The following FGD4 variants were observed in gnomAD, a reference collection of about 807,000 sequenced individuals.
The protein encoded by FGD4 is FYVE, RhoGEF and PH domain-containing protein 4.
FGD4 carries 42 observed loss-of-function variants against 102.0 expected under a neutral mutation model. That is an observed-to-expected ratio of 0.41 (90% CI 0.32 to 0.53). FGD4 has a LOEUF of 0.53. Ranked by LOEUF, FGD4 falls within the 20% of genes least tolerant of loss-of-function variation. FGD4 has a pLI of 0.21. For missense variants in FGD4, 902 were observed against 1,078.2 expected (o/e 0.84, Z 2.29); for synonymous variants, 380 against 375.7 (o/e 1.01, Z -0.13).
intron 1 of FGD4, among the ~76,000 whole-genome samples, chr12:32,529,681 A>G (rs191654429): frequency 3.1e-4 from 47 of 151,774 alleles, no homozygotes; most frequent in Non-Finnish European, 6.3e-4. Context: ...CATCTCTACT[A>G]AAAATACAAA....
At chr12:32,590,003 A>G (rs1328796385) in intron 4 of FGD4, among the ~76,000 whole-genome samples, 1 of 152,138 alleles carries the variant, frequency 6.6e-6, no homozygotes, top group African/African-American at 2.4e-5. Context: ...GATGCTTATG[A>G]CACTATATTA....
At chr12:32,561,092 T>TG (rs1944538322) in intron 1 of FGD4, among the ~76,000 whole-genome samples, 3 of 126,712 alleles carry the variant, frequency 2.4e-5, no homozygotes, top group African/African-American at 5.9e-5. Context: ...TTTTTTTTTT[T>TG]TTTTTTTTTG....
At chr12:32,593,324 T>C (rs1230532451) in intron 4 of FGD4, among the ~76,000 whole-genome samples, 1 of 152,236 alleles carries the variant, frequency 6.6e-6, no homozygotes, top group Non-Finnish European at 1.5e-5. Flanking sequence ...AATTAGTCCG[T>C]GATTTACTCA....
At chr12:32,470,434 A>G (rs1254171371) in intron 1 of FGD4, among the ~76,000 whole-genome samples, 1 of 149,504 alleles carries the variant, frequency 6.7e-6, no homozygotes, top group African/African-American at 2.5e-5. Flanking sequence ...AATCCTTCTG[A>G]CTGCTTCGAA....
chr12:32,599,453 C>T (rs1175218034), intron 5 of FGD4, among the ~76,000 whole-genome samples: 1 of 99,310 alleles, frequency 1.0e-5, no homozygotes, highest in Non-Finnish European at 1.9e-5. Flanking sequence ...GAGATCGCGC[C>T]ACTAGCACTC....
rs571306355 is a variant in FGD4 at position 32,635,012 on chromosome 12, C to T, written c.2313+1323C>T. The stretch of plus-strand genomic sequence containing the variant: ...AAAAAAAAAAGAATCTCTAAAGAAT[C>T]AGTAAGTATTTATTGAGCATTTACA... On this transcript the variant is annotated intron_variant, in intron 15 of 16. Transcript: ENST00000534526. Among the ~76,000 whole-genome samples the T allele has an allele frequency of 3.9e-5, 6 of 152,140 alleles. No homozygotes were observed. In the East Asian group the frequency reaches 7.7e-4, roughly 20 times the overall value.
Position 32,640,605 on chromosome 12 carries a change from A to G in FGD4, c.*72A>G. Reference sequence around the variant, plus strand: ...TCAAGACATTCCCAGCTCTTCTTACACATCTGCTAGCACTTTATGTTGAAA... The same window carrying G: ...TCAAGACATTCCCAGCTCTTCTTACGCATCTGCTAGCACTTTATGTTGAAA... On this transcript the variant is annotated 3_prime_UTR_variant, in exon 17 of 17. Transcript: ENST00000534526. The G allele has an allele frequency of 1.2e-6, 2 of 1,605,054 alleles. No individual in the cohort carries two copies. The highest frequency in any genetic ancestry group is 1.7e-6 in the Non-Finnish European group (2 of 1,174,780).
chr12:32,534,537 TC>T lies in FGD4; in HGVS notation c.167-29596del, dbSNP rs1565813011. The T allele has an allele frequency of 2.9e-6, 4 of 1,372,190 alleles. No individual in the cohort carries two copies. The East Asian group carries it at 7.7e-5, about 26-fold the overall frequency. The allele number at this position is 1,372,190 out of a possible 1,614,324, so 85.0% of individuals were successfully genotyped here. ...TTTTCTAGTAGATATATTTTTTTCT[TC>T]CCCAGCGTGGGTCACTTTATAACAC... On this transcript the variant is annotated intron_variant, in intron 1 of 16. Transcript: ENST00000534526.
At chr12:32,627,098 T>C (rs546674762) in intron 14 of FGD4, among the ~76,000 whole-genome samples, 2 of 152,040 alleles carry the variant, frequency 1.3e-5, no homozygotes, top group East Asian at 3.9e-4. Flanking sequence ...TCCGCCCGCC[T>C]CGGCCTCCCA....
chr12:32,465,403 C>T (rs1943224951), intron 1 of FGD4, among the ~76,000 whole-genome samples: 1 of 152,130 alleles, frequency 6.6e-6, no homozygotes, highest in African/African-American at 2.4e-5. Flanking sequence ...GGTGCGGTGG[C>T]TCACACCTGT....
chr12:32,625,677 C>A lies in FGD4; in HGVS notation c.2070C>A (p.Ala690=), dbSNP rs188104446. The A allele has an allele frequency of 5.0e-6, 8 of 1,613,464 alleles. No homozygotes were observed. The African/African-American group carries it at 9.4e-5, about 19-fold the overall frequency. ...EVSTAELGKR[A]PRWIRDNEVT... is the part of the protein sequence containing the mutation. ...AGACTGCTGAGCTAGGGAAAAGAGC[C>A]CCAAGATGGATCCGAGATAATGAAG... The change falls in exon 14 of 17, where the codon GCC becomes GCA. Residue 690 remains alanine (A), a synonymous_variant. Transcript: ENST00000534526.
At chr12:32,466,913 G>A (rs530444227) in intron 1 of FGD4, among the ~76,000 whole-genome samples, 22 of 150,190 alleles carry the variant, frequency 1.5e-4, no homozygotes, top group African/African-American at 4.9e-4. Context: ...CACCTCCTAC[G>A]GAATGTGGTA....
rs377174913 is a variant in FGD4 at position 32,489,859 on chromosome 12, A to G, written c.167-74278A>G. Among the ~76,000 whole-genome samples the G allele has an allele frequency of 1.3e-4, 20 of 152,258 alleles. No homozygotes were observed. The East Asian group carries it at 2.9e-3, about 22-fold the overall frequency. On this transcript the variant is annotated intron_variant, in intron 1 of 16. Transcript: ENST00000534526. ...ATTAAAAACTTTTTTTGTCTTGTTG[A>G]GTTGTCTGAGTTCTTCATATATTCT...
intron 1 of FGD4, among the ~76,000 whole-genome samples, chr12:32,553,892 A>G (rs1367295376): frequency 2.0e-5 from 3 of 152,142 alleles, no homozygotes; most frequent in Non-Finnish European, 4.4e-5. Context: ...ATTGCTTCAC[A>G]CCAGGAGTTA....
chr12:32,612,324 C>G lies in FGD4; in HGVS notation c.1749+1041C>G, dbSNP rs530765248. 1.7e-3 allele frequency among the ~76,000 whole-genome samples: 253 copies of G among 152,356 alleles called. 1 individual carries two copies. Among genetic ancestry groups the G allele is most frequent in the African/African-American group, 5.7e-3 (237 of 41,580 alleles). On this transcript the variant is annotated intron_variant, in intron 10 of 16. Transcript: ENST00000534526. ...CCCGGACCCTGTGCTCGCTCATTCA[C>G]GTACCCCTTGCTGCTCCAGGCTCGC... is the stretch of plus-strand genomic sequence containing the variant.
chr12:32,613,748 C>T (rs927919696), intron 10 of FGD4, among the ~76,000 whole-genome samples: 1 of 152,044 alleles, frequency 6.6e-6, no homozygotes, highest in Admixed American at 6.6e-5. Flanking sequence ...GCCTGGGTGA[C>T]AGAGTGAGAC....
intron 1 of FGD4, among the ~76,000 whole-genome samples, chr12:32,561,075 G>GTTTTTTTTTTT (rs1218919677): frequency 7.0e-5 from 6 of 85,166 alleles, no homozygotes; most frequent in South Asian, 4.1e-4. Context: ...GTTGGGTTTT[G>GTTTTTTTTTTT]TTTTTTTTTT....
intron 1 of FGD4, among the ~76,000 whole-genome samples, chr12:32,482,179 A>G (rs554708296): frequency 3.3e-5 from 5 of 152,332 alleles, no homozygotes; most frequent in African/African-American, 1.2e-4. Context: ...GAAATGAAAT[A>G]TTTGCTTCAT....
At chr12:32,436,769 T>G (rs1942245234) in intron 1 of FGD4, among the ~76,000 whole-genome samples, 1 of 152,084 alleles carries the variant, frequency 6.6e-6, no homozygotes, top group African/African-American at 2.4e-5. Flanking sequence ...AATTCATGTT[T>G]GAACCACACA....
Sources: gnomAD v4.1 joint callset for allele counts (sites outside exome capture counted in the v4.1 genomes callset) on GRCh38, gnomAD v4.1.1 for gene constraint, MANE v1.5 for transcripts, NCBI Gene and HGNC (gene_info 2026-07-23, HGNC 2026-07-21) for gene names.